SNRPN: variants seen among roughly 807,000 people sequenced by gnomAD.
The protein encoded by SNRPN is small nuclear ribonucleoprotein-associated protein N.
SNRPN carries 7 observed loss-of-function variants against 25.2 expected under a neutral mutation model. The observed-to-expected ratio is 0.28, with a 90% CI of 0.16 to 0.52. SNRPN has a LOEUF of 0.52. Among genes scored for constraint, SNRPN ranks in the 20% least tolerant of loss-of-function variants. SNRPN has a pLI of 0.96. For synonymous variants in SNRPN, 124 were observed against 110.6 expected, an observed-to-expected ratio of 1.12 and a Z score of -0.76; for missense variants, 196 against 322.5, an observed-to-expected ratio of 0.61 and a Z score of 3.00.
At position 24,923,000 on chromosome 15, in the gene SNRPN, C is replaced by T. The variant is rs564372309; in HGVS notation, c.-391+2876C>T. ...AGCTCACTGCAACCTCCGCCTTCTG[C>T]ATTGAAGCGATTCTCCTGCCTCAGA... On this transcript the variant is annotated intron_variant, in intron 3 of 11. Coordinates refer to the SNRPN transcript ENST00000400097. 2.9e-3 allele frequency among the ~76,000 whole-genome samples: 417 copies of T among 143,934 alleles called. 1 individual carries two copies. Among genetic ancestry groups the T allele is most frequent in the Non-Finnish European group, 3.8e-3 (253 of 66,950 alleles). The allele number at this position is 143,934 out of a possible 152,430, so 94.4% of individuals were successfully genotyped here.
chr15:24,958,802 C>T (rs1164598647), intron 1 of SNRPN: 2 of 154,260 alleles, frequency 1.3e-5, no homozygotes, highest in Admixed American at 6.6e-5. Flanking sequence ...TCCCTGTAAC[C>T]TCAAACTCCT....
At chr15:24,892,597 T>C (rs930182394) in intron 2 of SNRPN, among the ~76,000 whole-genome samples, 3 of 152,122 alleles carry the variant, frequency 2.0e-5, no homozygotes, top group Non-Finnish European at 4.4e-5. Context: ...ATTAGTTGGG[T>C]GTGGTGGCAC....
At chr15:24,825,409 A>T (rs2050014373) in intron 1 of SNRPN, among the ~76,000 whole-genome samples, 1 of 152,040 alleles carries the variant, frequency 6.6e-6, no homozygotes, top group South Asian at 2.1e-4. Context: ...CTGGGGAAAC[A>T]AATAGAGGAG....
Position 24,918,618 on chromosome 15 carries a change from ATG to A in SNRPN, c.-504-1387_-504-1386del, listed in dbSNP as rs759947384. On this transcript the variant is annotated intron_variant, in intron 2 of 11. Transcript: ENST00000400097. ...TATGTATATATATAACATAATATAT[ATG>A]TGTGTATATATAACATAATATATAT... Among the ~76,000 whole-genome samples, 204 of 78,580 alleles carry A rather than the reference ATG, an allele frequency of 2.6e-3. 3 individuals carry two copies. The highest frequency in any genetic ancestry group is 7.0e-3 in the African/African-American group (119 of 17,098). The allele number at this position is 78,580 out of a possible 152,430, so 51.6% of individuals were successfully genotyped here. A position where few individuals can be genotyped will look rare whatever the true frequency, so the allele number is the denominator to read the frequency against.
At chr15:24,935,204 T>C (rs1182629402) in intron 3 of SNRPN, among the ~76,000 whole-genome samples, 1 of 151,184 alleles carries the variant, frequency 6.6e-6, no homozygotes, top group Non-Finnish European at 1.5e-5. Flanking sequence ...CCCGGGAGGT[T>C]GAGGTTGCAG....
At chr15:24,891,233 T>A (rs542862945) in intron 2 of SNRPN, among the ~76,000 whole-genome samples, 1 of 151,828 alleles carries the variant, frequency 6.6e-6, no homozygotes, top group South Asian at 2.1e-4. Flanking sequence ...CAAAATGGCA[T>A]TTTTTTTGAG....
intron 1 of SNRPN, among the ~76,000 whole-genome samples, chr15:24,884,556 T>C (rs551219707): frequency 6.6e-6 from 1 of 152,286 alleles, no homozygotes; most frequent in South Asian, 2.1e-4. Flanking sequence ...ACTGTGCTGG[T>C]ATGTAGACAC....
At chr15:24,880,912 A>G (rs564488075) in intron 1 of SNRPN, among the ~76,000 whole-genome samples, 99 of 149,470 alleles carry the variant, frequency 6.6e-4, no homozygotes, top group East Asian at 2.1e-3. Flanking sequence ...TCTGGGCTCA[A>G]GTGATCCTCC....
Position 24,839,530 on chromosome 15 carries a change from A to G in SNRPN, c.-579+9625A>G, listed in dbSNP as rs374089442. Among the ~76,000 whole-genome samples, 27 of 152,240 alleles carry G rather than the reference A, an allele frequency of 1.8e-4. 3 individuals are homozygous for G. The highest frequency in any genetic ancestry group is 1.7e-3 in the East Asian group (9 of 5,186). On this transcript the variant is annotated intron_variant, in intron 2 of 12. Transcript: ENST00000400100. ...ATTGCCATTCCCTGATGAGGTATGT[A>G]GGCTGTCAGCAACGGCCCACACATT...
chr15:24,881,774 C>G (rs1372017561), intron 1 of SNRPN, among the ~76,000 whole-genome samples: 2 of 152,170 alleles, frequency 1.3e-5, no homozygotes, highest in Non-Finnish European at 1.5e-5. Flanking sequence ...ATGCAATATT[C>G]ATGAGTTCTG....
chr15:24,956,356 G>T (rs974597735), intron 1 of SNRPN, among the ~76,000 whole-genome samples: 2 of 149,642 alleles, frequency 1.3e-5, no homozygotes, highest in Admixed American at 1.3e-4. Context: ...CGCTTCAGCG[G>T]GGGGGTGGCC....
chr15:24,840,484 C>T (rs955761052), intron 2 of SNRPN, among the ~76,000 whole-genome samples: 4 of 152,218 alleles, frequency 2.6e-5, no homozygotes, highest in Non-Finnish European at 5.9e-5. Context: ...CATCACTGTG[C>T]ATCAGGTTGC....
At chr15:24,881,619 GAA>G (rs796109989) in intron 1 of SNRPN, among the ~76,000 whole-genome samples, 1 of 48,112 alleles carries the variant, frequency 2.1e-5, no homozygotes, top group Non-Finnish European at 3.6e-5. Flanking sequence ...GAGAGAGAGA[GAA>G]AGTCACAGTA....
intron 1 of SNRPN, among the ~76,000 whole-genome samples, chr15:24,956,857 C>T (rs577352618): frequency 5.3e-5 from 8 of 152,166 alleles, no homozygotes; most frequent in African/African-American, 1.9e-4. Flanking sequence ...CTGCACTGGG[C>T]TACTGCTTTT....
intron 1 of SNRPN, among the ~76,000 whole-genome samples, chr15:24,868,980 C>T (rs1312793430): frequency 6.6e-6 from 1 of 151,996 alleles, no homozygotes. Context: ...CTAACCACAA[C>T]AACAAAAATT....
chr15:24,971,951 G>A (rs1310806258), intron 3 of SNRPN, among the ~76,000 whole-genome samples: 1 of 152,096 alleles, frequency 6.6e-6, no homozygotes, highest in Non-Finnish European at 1.5e-5. Flanking sequence ...AAGTGTTGCA[G>A]TGCTATAAAA....
At chr15:24,844,575 A>G (rs544295993) in intron 2 of SNRPN, among the ~76,000 whole-genome samples, 34 of 152,094 alleles carry the variant, frequency 2.2e-4, no homozygotes, top group African/African-American at 8.0e-4. Flanking sequence ...CCCAGGCTGG[A>G]GTGCAATGGC....
intron 1 of SNRPN, among the ~76,000 whole-genome samples, chr15:24,867,386 TTTG>T (rs954086664): frequency 1.5e-5 from 2 of 131,970 alleles, no homozygotes; most frequent in Admixed American, 1.6e-4. Flanking sequence ...GTTTTTTTTT[TTTG>T]GGGGGGACGG....
intron 2 of SNRPN, chr15:24,850,430 C>T (rs1448788649): frequency 6.6e-6 from 1 of 152,098 alleles, no homozygotes; most frequent in Admixed American, 6.5e-5. Flanking sequence ...CCTGCCTCAG[C>T]CTCCTGAGTA....
Sources: gnomAD v4.1 joint callset for allele counts (sites outside exome capture counted in the v4.1 genomes callset) on GRCh38, gnomAD v4.1.1 for gene constraint, MANE v1.5 for transcripts, NCBI Gene and HGNC (gene_info 2026-07-23, HGNC 2026-07-21) for gene names.